Variants in TM4SF18 observed in about 807,000 individuals in gnomAD.
The protein encoded by TM4SF18 is transmembrane 4 L six family member 18, also known as transmembrane 4 L6 family member 18.
A neutral mutation model predicts 23.8 loss-of-function variants in TM4SF18; 22 were observed. That is an observed-to-expected ratio of 0.92 (90% CI 0.66 to 1.32). TM4SF18 has a LOEUF of 1.32. Among genes scored for constraint, TM4SF18 ranks in the 40% most tolerant of loss-of-function variants. The pLI is 0.00. For synonymous variants in TM4SF18, 87 were observed against 87.9 expected, an observed-to-expected ratio of 0.99 and a Z score of 0.06; for missense variants, 255 against 240.3, an observed-to-expected ratio of 1.06 and a Z score of -0.41.
chr3:149,333,298 A>G lies in TM4SF18; in HGVS notation c.85T>C (p.Tyr29His). The G allele has an allele frequency of 6.2e-7, 1 of 1,613,982 alleles. No individual in the cohort carries two copies. The highest frequency in any genetic ancestry group is 2.2e-5 in the East Asian group (1 of 44,876). Residue 29 changes from tyrosine to histidine, a missense_variant, in exon 2 of 6, where the codon TAT becomes CAT. Physicochemically the swap from Tyr to His is moderately conservative, Grantham distance 83 (BLOSUM62 2). Transcript: ENST00000296059. Reference protein sequence around the residue: ...LWSIIVNILLYFPNGQTSYAS... With the variant: ...LWSIIVNILLHFPNGQTSYAS... ...TAGGAAGTTTGCCCATTCGGGAAATACAATAATATGTTCACGATTATACTC... is the reference window on the plus strand; with the variant it reads ...TAGGAAGTTTGCCCATTCGGGAAATGCAATAATATGTTCACGATTATACTC...
intron 4 of TM4SF18, 123 bp downstream of exon 4, chr3:149,324,757 A>C: frequency 3.2e-6 from 4 of 1,250,322 alleles, no homozygotes; most frequent in Non-Finnish European, 4.5e-6. Context: ...CTAACAGGGA[A>C]ATTCTGCACT....
intron 4 of TM4SF18, 147 bp downstream of exon 4, chr3:149,324,733 T>G (rs1730894062): frequency 2.0e-6 from 2 of 983,172 alleles, no homozygotes; most frequent in South Asian, 3.5e-5. Context: ...CAAATTGGTC[T>G]GGATATTAGT....
At position 149,333,238 on chromosome 3, in the gene TM4SF18, A is replaced by G. The variant is rs751673031; in HGVS notation, c.145T>C (p.Tyr49His). 4.3e-6 allele frequency: 7 copies of G among 1,612,694 alleles called. No homozygotes were observed. The highest frequency in any genetic ancestry group is 5.9e-6 in the Non-Finnish European group (7 of 1,179,454). Reference protein sequence around the residue: ...SSNKLTNYVWYFEGICFSGIM... With the variant: ...SSNKLTNYVWHFEGICFSGIM... ...CCTGAGAAACAGATTCCTTCAAAAT[A>G]CCACACGTAGTTGGTGAGTTTATTG... The change falls in exon 2 of 6, where the codon TAT becomes CAT. Residue 49 changes from tyrosine to histidine, a missense_variant. Transcript: ENST00000296059.
chr3:149,332,553 G>T (rs1029439977), intron 2 of TM4SF18, among the ~76,000 whole-genome samples: 70 of 152,210 alleles, frequency 4.6e-4, no homozygotes, highest in African/African-American at 1.7e-3. Flanking sequence ...TCTAATGTAG[G>T]ACTATTTTAA....
At position 149,324,924 on chromosome 3, in the gene TM4SF18, G is replaced by A. The variant is rs767426141; in HGVS notation, c.366C>T (p.Arg122=). 2.5e-6 allele frequency: 4 copies of A among 1,614,174 alleles called. No homozygotes were observed. The highest frequency in any genetic ancestry group is 3.4e-6 in the Non-Finnish European group (4 of 1,180,034). The change falls in exon 4 of 6, where the codon CGC becomes CGT. Residue 122 remains arginine, a synonymous_variant. Transcript: ENST00000296059. ...ALGLVQGPYC[R]TLDGWEYAFE... is the part of the protein sequence containing the mutation. ...AAGCATACTCCCAGCCATCAAGGGT[G>A]CGGCAATATGGCCCTTGGACAAGAC...
At chr3:149,327,518 T>C (rs981365507) in intron 3 of TM4SF18, among the ~76,000 whole-genome samples, 2 of 147,728 alleles carry the variant, frequency 1.4e-5, no homozygotes, top group East Asian at 3.9e-4. Flanking sequence ...GAGACAGAAA[T>C]AAGGATACCA....
chr3:149,328,463 A>G (rs1731007162), intron 3 of TM4SF18, among the ~76,000 whole-genome samples: 1 of 152,240 alleles, frequency 6.6e-6, no homozygotes, highest in Admixed American at 6.5e-5. Context: ...CATTCAGGCC[A>G]TAGCAGATAA....
chr3:149,326,213 G>T (rs900584863), intron 3 of TM4SF18, among the ~76,000 whole-genome samples: 1 of 152,108 alleles, frequency 6.6e-6, no homozygotes, highest in Non-Finnish European at 1.5e-5. Flanking sequence ...ATTTACACTA[G>T]TCTTTCTGCC....
In TM4SF18 at chr3:149,324,908, C is replaced by A; in HGVS notation, c.382G>T (p.Glu128Ter). The A allele has an allele frequency of 6.2e-7, 1 of 1,614,164 alleles. No homozygotes were observed. The highest frequency in any genetic ancestry group is 8.5e-7 in the Non-Finnish European group (1 of 1,180,030). Residue 128 changes from glutamate to a stop codon, truncating the protein, a stop_gained, in exon 4 of 6, where the codon GAG (glutamate) becomes TAG (stop). Coordinates refer to ENST00000296059, the MANE Select transcript of TM4SF18 (RefSeq NM_138786.4). LOFTEE classifies it high-confidence loss of function. The part of the protein sequence containing the change: ...GPYCRTLDGW[E>*]YAFEGTAGRF... ...CCAGCAGTGCCTTCAAAAGCATACT[C>A]CCAGCCATCAAGGGTGCGGCAATAT...
rs764806795 is a variant in TM4SF18 at position 149,324,910 on chromosome 3, C to T, written c.380G>A (p.Trp127Ter). Reference sequence around the variant, plus strand: ...AGCAGTGCCTTCAAAAGCATACTCCCAGCCATCAAGGGTGCGGCAATATGG... The same window carrying T: ...AGCAGTGCCTTCAAAAGCATACTCCTAGCCATCAAGGGTGCGGCAATATGG... Reference protein sequence around the residue: ...QGPYCRTLDGWEYAFEGTAGR... With the variant: ...QGPYCRTLDG The change falls in exon 4 of 6, where the codon TGG (tryptophan) becomes TAG (stop). Residue 127 changes from tryptophan to a stop codon, truncating the protein, a stop_gained. Coordinates refer to ENST00000296059, the MANE Select transcript of TM4SF18 (RefSeq NM_138786.4). LOFTEE classifies it high-confidence loss of function. 1.2e-6 allele frequency: 2 copies of T among 1,614,144 alleles called. No individual in the cohort carries two copies. The highest frequency in any genetic ancestry group is 2.2e-5 in the East Asian group (1 of 44,892).
At chr3:149,324,669 A>G in intron 4 of TM4SF18, 1 of 579,778 alleles carries the variant, frequency 1.7e-6, no homozygotes, top group South Asian at 2.2e-5. Flanking sequence ...ACATTGAATG[A>G]AAATGGCATT....
chr3:149,321,637 A>G, intron 5 of TM4SF18, 145 bp from the exon 6 acceptor site: 1 of 523,998 alleles, frequency 1.9e-6, no homozygotes, highest in Non-Finnish European at 3.3e-6. Flanking sequence ...ATTGCTAGGA[A>G]AGGTATTACA....
chr3:149,323,230 A>G (rs1730856735), intron 4 of TM4SF18, among the ~76,000 whole-genome samples: 1 of 152,164 alleles, frequency 6.6e-6, no homozygotes. Flanking sequence ...TGGGGTTAAA[A>G]TATCTAACCC....
chr3:149,330,218 C>T (rs1731058598), intron 3 of TM4SF18, 112 bp downstream of exon 3: 2 of 617,004 alleles, frequency 3.2e-6, no homozygotes, highest in Non-Finnish European at 5.6e-6. Context: ...GATCTCTGTA[C>T]TGTACTCAAC....
intron 3 of TM4SF18, among the ~76,000 whole-genome samples, chr3:149,326,940 G>A (rs1730962634): frequency 6.6e-6 from 1 of 152,000 alleles, no homozygotes. Context: ...CTGGGGTTTT[G>A]TTGTTGTTGT....
At chr3:149,325,045 G>T (rs898695062) in intron 3 of TM4SF18, 23 bp from the exon 4 acceptor site, 14 of 1,609,438 alleles carry the variant, frequency 8.7e-6, no homozygotes, top group Non-Finnish European at 1.1e-5. Flanking sequence ...ATAGAAGCAG[G>T]TTAGTACCAT....
chr3:149,333,290 C>T lies in TM4SF18; in HGVS notation c.93G>A (p.Pro31=), dbSNP rs144633053. The T allele has an allele frequency of 3.0e-5, 48 of 1,613,698 alleles. No individual in the cohort carries two copies. Among genetic ancestry groups the T allele is most frequent in the Admixed American group, 1.0e-4 (6 of 59,942 alleles). Reference sequence around the variant, plus strand: ...TGGATGCATAGGAAGTTTGCCCATTCGGGAAATACAATAATATGTTCACGA... The same window carrying T: ...TGGATGCATAGGAAGTTTGCCCATTTGGGAAATACAATAATATGTTCACGA... The part of the protein sequence containing the change: ...SIIVNILLYF[P]NGQTSYASSN... The change falls in exon 2 of 6, where the codon CCG becomes CCA. Residue 31 remains proline, a synonymous_variant. Transcript: ENST00000296059.
intron 2 of TM4SF18, among the ~76,000 whole-genome samples, chr3:149,332,833 T>A (rs1244721363): frequency 6.6e-6 from 1 of 152,156 alleles, no homozygotes; most frequent in Non-Finnish European, 1.5e-5. Context: ...CTAATGCCCC[T>A]TCAAGCTAGA....
At chr3:149,330,154 A>G in intron 3 of TM4SF18, 176 bp downstream of exon 3, 1 of 396,998 alleles carries the variant, frequency 2.5e-6, no homozygotes. Context: ...TCAGTAGAAC[A>G]AAAGTGGAGG....
Sources: allele counts gnomAD v4.1 joint callset (sites outside exome capture counted in the v4.1 genomes callset), GRCh38; gene constraint gnomAD v4.1.1; transcripts MANE v1.5; gene names NCBI Gene and HGNC (gene_info 2026-07-23, HGNC 2026-07-21).